Variants in NEDD1 observed in about 807,000 individuals in gnomAD.
NEDD1 encodes the protein NEDD1 gamma-tubulin ring complex targeting factor, also known as protein NEDD1.
In NEDD1, 33 loss-of-function variants were observed where a neutral mutation model predicts 74.0. That is an observed-to-expected ratio of 0.45 (90% CI 0.34 to 0.60). The LOEUF is 0.60. Among genes scored for constraint, NEDD1 ranks in the 20% least tolerant of loss-of-function variants. NEDD1 has a pLI of 0.01. For synonymous variants in NEDD1, 250 were observed against 264.4 expected, an observed-to-expected ratio of 0.95 and a Z score of 0.53; for missense variants, 746 against 776.5, an observed-to-expected ratio of 0.96 and a Z score of 0.47.
intron 6 of NEDD1, among the ~76,000 whole-genome samples, chr12:96,929,625 T>TATA (rs376505455): frequency 0.033 from 3,555 of 106,610 alleles, 69 homozygotes; most frequent in Non-Finnish European, 0.045. Context: ...ATATATATAT[T>TATA]TTTTTTTTAA....
In NEDD1 at chr12:96,946,732, A is replaced by T. The variant is rs543378331; in HGVS notation, c.1811+883A>T. Among the ~76,000 whole-genome samples, 4 of 152,286 alleles carry T rather than the reference A, an allele frequency of 2.6e-5. No homozygotes were observed. In the South Asian group the frequency reaches 6.2e-4, roughly 24 times the overall value. ...GCCATGTGTGTTTCTCTTAATGTGA[A>T]TTAATTCATTTGGGATCAGTAGAAT... On this transcript the variant is annotated intron_variant, in intron 14 of 15. Coordinates refer to ENST00000266742, the MANE Select transcript of NEDD1 (RefSeq NM_152905.4).
intron 6 of NEDD1, among the ~76,000 whole-genome samples, chr12:96,924,454 A>G (rs1875471253): frequency 6.6e-6 from 1 of 152,180 alleles, no homozygotes; most frequent in African/African-American, 2.4e-5. Flanking sequence ...TGGTATAACT[A>G]TCTATTTATC....
chr12:96,934,896 G>A (rs1876926739), intron 6 of NEDD1, 80 bp from the exon 7 acceptor site: 2 of 874,396 alleles, frequency 2.3e-6, no homozygotes, highest in East Asian at 2.5e-5. Flanking sequence ...TAGTGTGGTT[G>A]GCCATAATTT....
At chr12:96,923,148 G>A (rs796884255) in intron 6 of NEDD1, among the ~76,000 whole-genome samples, 12 of 152,122 alleles carry the variant, frequency 7.9e-5, no homozygotes, top group African/African-American at 2.9e-4. Flanking sequence ...AATCATATGT[G>A]TCTGGTTTCT....
At chr12:96,950,978 GATA>G (rs1878653621) in intron 14 of NEDD1, among the ~76,000 whole-genome samples, 1 of 151,708 alleles carries the variant, frequency 6.6e-6, no homozygotes, top group African/African-American at 2.4e-5. Context: ...TAGCTAAACT[GATA>G]ATAATAAAAT....
intron 6 of NEDD1, among the ~76,000 whole-genome samples, chr12:96,925,109 T>C (rs1477877681): frequency 6.6e-6 from 1 of 152,052 alleles, no homozygotes; most frequent in Non-Finnish European, 1.5e-5. Flanking sequence ...AAACAGAATG[T>C]TGAGTGCTGT....
intron 5 of NEDD1, among the ~76,000 whole-genome samples, chr12:96,918,203 C>T (rs151328270): frequency 0.011 from 1,671 of 151,174 alleles, 22 homozygotes; most frequent in Non-Finnish European, 0.018. Context: ...GTATTTTTAA[C>T]TTGGTAATAT....
chr12:96,949,418 T>A (rs1452000600), intron 14 of NEDD1, among the ~76,000 whole-genome samples: 2 of 152,056 alleles, frequency 1.3e-5, no homozygotes, highest in African/African-American at 2.4e-5. Flanking sequence ...ACATTAAAAA[T>A]TTTTTTTGTT....
At position 96,930,193 on chromosome 12, in the gene NEDD1, ACACACACACACACACACACTCT is replaced by A. The variant is rs1263736740; in HGVS notation, c.490-4781_490-4760del. 3.0e-3 allele frequency among the ~76,000 whole-genome samples: 223 copies of A among 73,850 alleles called. 1 individual carries two copies. The highest frequency in any genetic ancestry group is 0.011 in the African/African-American group (206 of 18,668). The allele number at this position is 73,850 out of a possible 152,430, so 48.4% of individuals were successfully genotyped here. A position where few individuals can be genotyped will look rare whatever the true frequency, so the allele number is the denominator to read the frequency against. On this transcript the variant is annotated intron_variant, in intron 6 of 15. Coordinates refer to ENST00000266742, the MANE Select transcript of NEDD1 (RefSeq NM_152905.4). Reference sequence around the variant, plus strand: ...CACACACACACACACACACACACACACACACACACACACACACACTCTCTCTCTCTCTCTCTCTCTCTCTCTC... The same window carrying A: ...CACACACACACACACACACACACACACTCTCTCTCTCTCTCTCTCTCTCTC...
At chr12:96,912,947 A>G (rs1874071570) in intron 4 of NEDD1, 130 bp downstream of exon 4, 2 of 565,178 alleles carry the variant, frequency 3.5e-6, no homozygotes, top group South Asian at 5.0e-5. Context: ...AGCTCAAAAT[A>G]ATATAGTAAC....
At chr12:96,934,613 C>T (rs1034053589) in intron 6 of NEDD1, among the ~76,000 whole-genome samples, 4 of 151,870 alleles carry the variant, frequency 2.6e-5, no homozygotes, top group African/African-American at 9.7e-5. Context: ...TCTTGGCTCA[C>T]TGCAGCCTCC....
intron 6 of NEDD1, chr12:96,924,912 A>G (rs535568029): frequency 4.1e-5 from 18 of 443,356 alleles, no homozygotes; most frequent in Non-Finnish European, 6.7e-5. Context: ...GAAGCATTCA[A>G]TTTACTACCA....
intron 10 of NEDD1, 126 bp from the exon 11 acceptor site, chr12:96,942,451 A>G: frequency 1.5e-6 from 1 of 651,154 alleles, no homozygotes; most frequent in South Asian, 1.9e-5. Flanking sequence ...CCTACCTTTA[A>G]CATCACTCAT....
At chr12:96,926,060 G>T (rs1014090925) in intron 6 of NEDD1, among the ~76,000 whole-genome samples, 1 of 152,038 alleles carries the variant, frequency 6.6e-6, no homozygotes, top group African/African-American at 2.4e-5. Flanking sequence ...AAATGAGATG[G>T]TGAGTGTGTT....
Position 96,936,828 on chromosome 12 carries a change from T to A in NEDD1, c.921+16T>A, listed in dbSNP as rs772180050. ...TCTTACTAAGGTGAGACATTTTCTT[T>A]TCAGCATTTTTTATTTTATTAAATA... On this transcript the variant is annotated intron_variant, in intron 8 of 15. Transcript: ENST00000266742. The A allele has an allele frequency of 8.7e-6, 13 of 1,486,822 alleles. No homozygotes were observed. In the Admixed American group the frequency reaches 2.3e-4, roughly 26 times the overall value. 92.1% of individuals were successfully genotyped at this position (1,486,822 alleles called of 1,614,324 possible).
At chr12:96,935,779 A>T (rs1877022056) in intron 7 of NEDD1, among the ~76,000 whole-genome samples, 1 of 152,268 alleles carries the variant, frequency 6.6e-6, no homozygotes, top group South Asian at 2.1e-4. Context: ...ATTTGGGCCC[A>T]CTGTACCCTC....
chr12:96,945,628 T>C (rs549805819), intron 13 of NEDD1, 65 bp from the exon 14 acceptor site: 2 of 1,010,238 alleles, frequency 2.0e-6, no homozygotes, highest in African/African-American at 3.2e-5. Context: ...CAAATCTTAT[T>C]TAGAAATGTT....
rs377708251 is a variant in NEDD1, at chr12:96,935,214, G to T, written c.719+9G>T. The T allele has an allele frequency of 3.8e-5, 54 of 1,410,022 alleles. No homozygotes were observed. Among genetic ancestry groups the T allele is most frequent in the Non-Finnish European group, 5.3e-5 (53 of 994,286 alleles). 87.3% of individuals were successfully genotyped at this position (1,410,022 alleles called of 1,614,324 possible). A position where few individuals can be genotyped will look rare whatever the true frequency, so the allele number is the denominator to read the frequency against. On this transcript the variant is annotated intron_variant, in intron 7 of 15. Coordinates refer to ENST00000266742, the MANE Select transcript of NEDD1 (RefSeq NM_152905.4). ...GACACTTCAAGTAAGAAGTAAGTGT[G>T]ACATGCTTATTTCTTAATTTAGTAA...
intron 15 of NEDD1, among the ~76,000 whole-genome samples, chr12:96,951,740 A>C (rs1878721526): frequency 6.6e-6 from 1 of 151,770 alleles, no homozygotes; most frequent in South Asian, 2.1e-4. Context: ...AAGCATTTTA[A>C]ATGTGCAAAT....
Sources: gnomAD v4.1 joint callset for allele counts (sites outside exome capture counted in the v4.1 genomes callset) on GRCh38, gnomAD v4.1.1 for gene constraint, MANE v1.5 for transcripts, NCBI Gene and HGNC (gene_info 2026-07-23, HGNC 2026-07-21) for gene names.